The following PLEKHA6 variants were observed in gnomAD, a reference collection of about 807,000 sequenced individuals.
The protein encoded by PLEKHA6 is pleckstrin homology domain-containing family A member 6.
A neutral mutation model predicts 116.7 loss-of-function variants in PLEKHA6; 60 were observed. The observed-to-expected ratio is 0.51, with a 90% CI of 0.42 to 0.64. The LOEUF is 0.64. PLEKHA6 is among the 30% of genes least tolerant of loss of function. The pLI, the probability that PLEKHA6 is intolerant of heterozygous loss-of-function variation, is 0.00. For synonymous variants in PLEKHA6, 489 were observed against 556.1 expected (o/e 0.88, Z 1.70); for missense variants, 1,338 against 1,422.7 (o/e 0.94, Z 0.96).
At chr1:204,250,442 A>G in intron 10 of PLEKHA6, 104 bp downstream of exon 10, 2 of 784,786 alleles carry the variant, frequency 2.5e-6, no homozygotes, top group Non-Finnish European at 4.5e-6. Flanking sequence ...AGATGGAGAG[A>G]CAGCCCCCGC....
intron 3 of PLEKHA6, among the ~76,000 whole-genome samples, chr1:204,273,000 C>T (rs1462246452): frequency 6.6e-6 from 1 of 152,214 alleles, no homozygotes; most frequent in Admixed American, 6.5e-5. Flanking sequence ...GCCTTCTGCT[C>T]TTCTCACACC....
At chr1:204,278,804 C>T (rs925111916) in intron 1 of PLEKHA6, among the ~76,000 whole-genome samples, 2 of 152,094 alleles carry the variant, frequency 1.3e-5, no homozygotes, top group Non-Finnish European at 2.9e-5. Flanking sequence ...CTCCTGATGC[C>T]GGCTTGAGGT....
intron 1 of PLEKHA6, among the ~76,000 whole-genome samples, chr1:204,345,078 T>C (rs1007926543): frequency 1.3e-5 from 2 of 152,162 alleles, no homozygotes; most frequent in African/African-American, 4.8e-5. Context: ...GAGAAAGACA[T>C]ATGTGGATGG....
chr1:204,358,977 GT>G (rs1221111058), intron 1 of PLEKHA6, among the ~76,000 whole-genome samples: 1 of 141,470 alleles, frequency 7.1e-6, no homozygotes, highest in African/African-American at 2.7e-5. Flanking sequence ...TCTCTGGCCA[GT>G]CCCCCAACTG....
In PLEKHA6 at chr1:204,241,766, G is replaced by T; in HGVS notation, c.2221C>A (p.Pro741Thr). ...QSKKDPHQTL[P>T]LDTPRDISLV... Reference sequence around the variant, plus strand: ...CTGATGTCTCTGGGGGTGTCCAGGGGCAATGTCTGGTGGGGGTCTTTCTTG... The same window carrying T: ...CTGATGTCTCTGGGGGTGTCCAGGGTCAATGTCTGGTGGGGGTCTTTCTTG... Residue 741 changes from proline to threonine, a missense_variant, in exon 16 of 23, where the codon CCC becomes ACC. Physicochemically the swap from Pro to Thr is conservative, Grantham distance 38. Coordinates refer to ENST00000272203, the MANE Select transcript of PLEKHA6 (RefSeq NM_014935.5). The T allele has an allele frequency of 6.2e-6, 10 of 1,613,956 alleles. No individual in the cohort carries two copies. Among genetic ancestry groups the T allele is most frequent in the Non-Finnish European group, 8.5e-6 (10 of 1,179,808 alleles).
chr1:204,245,959 T>C (rs1050674175), intron 13 of PLEKHA6, among the ~76,000 whole-genome samples: 3 of 151,938 alleles, frequency 2.0e-5, no homozygotes, highest in Admixed American at 6.6e-5. Flanking sequence ...ATTGCCCGAG[T>C]TTCTGAACCA....
rs755959656 is a variant in PLEKHA6, at chr1:204,228,139, A to AC, written c.2974_2975insG (p.Ile992SerfsTer2). The AC allele has an allele frequency of 6.2e-7, 1 of 1,613,198 alleles. No individual in the cohort carries two copies. ...GGTCGCCAGGGCGCAGGAGATTTCA[A>AC]TCCGCTTCTCCTGCTCCTGCAGCTG... is the stretch of plus-strand genomic sequence containing the variant. On this transcript the variant is annotated frameshift_variant, in exon 21 of 23. Coordinates refer to ENST00000272203, the MANE Select transcript of PLEKHA6 (RefSeq NM_014935.5). LOFTEE classifies it high-confidence loss of function. This position sits in a 1 kb window ranked among gnomAD's most constrained non-coding sequence, Gnocchi z 4.0.
chr1:204,237,160 A>G (rs886879784), intron 17 of PLEKHA6, among the ~76,000 whole-genome samples: 31 of 152,294 alleles, frequency 2.0e-4, no homozygotes, highest in African/African-American at 7.5e-4. Context: ...ATGGAGTTTT[A>G]GCTCAGGTAC....
At chr1:204,315,949 T>C (rs1671841262) in intron 1 of PLEKHA6, among the ~76,000 whole-genome samples, 1 of 152,162 alleles carries the variant, frequency 6.6e-6, no homozygotes, top group East Asian at 1.9e-4. Context: ...GAAGTAACGA[T>C]AATTCTATAA....
At chr1:204,311,109 A>G (rs936423274) in intron 1 of PLEKHA6, among the ~76,000 whole-genome samples, 5 of 152,234 alleles carry the variant, frequency 3.3e-5, no homozygotes, top group Non-Finnish European at 7.3e-5. Flanking sequence ...AGCAACCACT[A>G]TGAAAGATGG....
At chr1:204,321,672 G>A (rs4951359) in intron 1 of PLEKHA6, among the ~76,000 whole-genome samples, 142,238 of 152,204 alleles carry the variant, frequency 0.93, 66,460 homozygotes, top group Admixed American at 0.96. Flanking sequence ...AAACCACTCT[G>A]TGCATCTGAT....
intron 9 of PLEKHA6, among the ~76,000 whole-genome samples, chr1:204,256,560 T>A (rs774373323): frequency 6.6e-6 from 1 of 152,066 alleles, no homozygotes; most frequent in Non-Finnish European, 1.5e-5. Context: ...TATTACATGC[T>A]CCCAGATCTC....
intron 17 of PLEKHA6, among the ~76,000 whole-genome samples, chr1:204,240,289 G>A (rs1165494018): frequency 1.3e-5 from 2 of 152,234 alleles, no homozygotes; most frequent in East Asian, 3.8e-4. Flanking sequence ...AGGAATGAAG[G>A]TTTGGTCACT....
chr1:204,345,173 G>A (rs1672990880), intron 1 of PLEKHA6, among the ~76,000 whole-genome samples: 1 of 152,196 alleles, frequency 6.6e-6, no homozygotes, highest in Admixed American at 6.5e-5. Context: ...ATAAGTATAA[G>A]TGTTGATGAC....
chr1:204,299,560 G>T, intron 1 of PLEKHA6: 4 of 908,438 alleles, frequency 4.4e-6, no homozygotes, highest in Non-Finnish European at 5.3e-6. Flanking sequence ...AGCTGACACA[G>T]CTTTGAGACA....
intron 1 of PLEKHA6, among the ~76,000 whole-genome samples, chr1:204,356,429 T>C (rs1673418333): frequency 6.6e-6 from 1 of 152,168 alleles, no homozygotes; most frequent in Non-Finnish European, 1.5e-5. Flanking sequence ...TAGCCAGGTA[T>C]GGTGACATGC....
intron 6 of PLEKHA6, among the ~76,000 whole-genome samples, chr1:204,262,650 A>T (rs529275636): frequency 1.1e-3 from 162 of 152,060 alleles, no homozygotes; most frequent in African/African-American, 3.8e-3. Flanking sequence ...CACCCTCTAA[A>T]TGCTCAAAAG....
At position 204,228,668 on chromosome 1, in the gene PLEKHA6, C is replaced by T; in HGVS notation, c.2885+60G>A. ...CTGTGCCCCCAACGACTTCTAGTGG[C>T]CCAGGTGTCCTAGGTGCCAGGGTGA... On this transcript the variant is annotated intron_variant, in intron 20 of 22. Transcript: ENST00000272203. The surrounding 1 kb of genome is among the most constrained non-coding windows in gnomAD (Gnocchi z 4.0). 4 of 1,559,334 alleles carry T rather than the reference C, an allele frequency of 2.6e-6. No individual in the cohort carries two copies. The highest frequency in any genetic ancestry group is 1.8e-6 in the Non-Finnish European group (2 of 1,131,390).
At chr1:204,308,692 T>TTTTTTTC (rs1671512409) in intron 1 of PLEKHA6, among the ~76,000 whole-genome samples, 1 of 120,478 alleles carries the variant, frequency 8.3e-6, no homozygotes. Context: ...TTTTTCTTTT[T>TTTTTTTC]TTTTTTTTTT....
Sources: gnomAD v4.1 joint callset for allele counts (sites outside exome capture counted in the v4.1 genomes callset) on GRCh38, gnomAD v4.1.1 for gene constraint, Gnocchi (gnomAD v3.1) non-coding constraint, MANE v1.5 for transcripts, NCBI Gene and HGNC (gene_info 2026-07-23, HGNC 2026-07-21) for gene names.